The following GRIK3 variants were observed in gnomAD, a reference collection of about 807,000 sequenced individuals.
GRIK3 encodes glutamate receptor ionotropic, kainate 3.
GRIK3 carries 29 observed loss-of-function variants against 102.5 expected under a neutral mutation model. The ratio of observed to expected loss-of-function variants is 0.28; its 90% CI spans 0.21 to 0.39. The LOEUF is 0.39. Ranked by LOEUF, GRIK3 falls within the 10% of genes least tolerant of loss-of-function variation. The pLI is 1.00. For missense variants in GRIK3, 908 were observed against 1,252.4 expected (o/e 0.73, Z 4.15); for synonymous variants, 511 against 504.9 (o/e 1.01, Z -0.16).
chr1:36,913,210 G>A (rs964164040), intron 1 of GRIK3, among the ~76,000 whole-genome samples: 1 of 152,126 alleles, frequency 6.6e-6, no homozygotes, highest in African/African-American at 2.4e-5. Flanking sequence ...CTCCAAACCC[G>A]GGCACCTGCT....
rs1410756923 is a variant in GRIK3, at chr1:36,825,709, T to C, written c.1648A>G (p.Thr550Ala). The change falls in exon 11 of 16, where the codon ACC (threonine) becomes GCC (alanine). Residue 550 changes from threonine to alanine, a missense_variant. This residue lies in a region of GRIK3 where 585 missense variants were observed against 824.9 expected (regional missense o/e 0.71). Transcript: ENST00000373091. ...AGGAAGGAGAAGACGCTGGGGTTGG[T>C]GCCATTGGGCTTTCGATACAGGATG... The part of the protein sequence containing the change: ...VSILYRKPNG[T>A]NPSVFSFLNP... 2 of 1,613,824 alleles carry C rather than the reference T, an allele frequency of 1.2e-6. No individual in the cohort carries two copies. Among genetic ancestry groups the C allele is most frequent in the Non-Finnish European group, 1.7e-6 (2 of 1,179,916 alleles).
In GRIK3 at chr1:36,971,331, G is replaced by GAGC. The variant is rs551797027; in HGVS notation, c.115+62662_115+62663insGCT. 2.4e-4 allele frequency among the ~76,000 whole-genome samples: 36 copies of GAGC among 152,270 alleles called. No homozygotes were observed. The South Asian group carries it at 7.3e-3, about 31-fold the overall frequency. On this transcript the variant is annotated intron_variant, in intron 1 of 15. Transcript: ENST00000373091. Reference sequence around the variant, plus strand: ...GGGAAACATCCTTCCCATACAAATGGAAGGCTGCCTTTGCCGTAGAATTGA... The same window carrying GAGC: ...GGGAAACATCCTTCCCATACAAATGGAGCAAGGCTGCCTTTGCCGTAGAATTGA...
Position 36,889,830 on chromosome 1 carries a change from T to C in GRIK3, c.292+1090A>G, listed in dbSNP as rs556802470. On this transcript the variant is annotated intron_variant, in intron 2 of 15. Transcript: ENST00000373091. ...CATAGACAGAAAACCCAGTCTAGCT[T>C]TTTGTGGGTGGTTGTACCCACGAGG... 1.8e-4 allele frequency among the ~76,000 whole-genome samples: 27 copies of C among 152,284 alleles called. No homozygotes were observed. In the South Asian group the frequency reaches 5.4e-3, roughly 30 times the overall value.
intron 1 of GRIK3, among the ~76,000 whole-genome samples, chr1:37,014,933 GTC>G (rs56296966): frequency 0.27 from 38,136 of 139,036 alleles, 5,089 homozygotes; most frequent in East Asian, 0.53. Context: ...CTCTGTTTTT[GTC>G]TCTCTCTCTC....
At chr1:36,998,127 G>C (rs1160987105) in intron 1 of GRIK3, among the ~76,000 whole-genome samples, 1 of 152,174 alleles carries the variant, frequency 6.6e-6, no homozygotes, top group African/African-American at 2.4e-5. Context: ...CCAAATTTGG[G>C]CCTCTAGTCC....
intron 4 of GRIK3, among the ~76,000 whole-genome samples, chr1:36,871,053 C>T (rs1242477261): frequency 1.3e-5 from 2 of 152,092 alleles, no homozygotes; most frequent in Non-Finnish European, 1.5e-5. Context: ...TGTCAACTGC[C>T]TGCTGGGTGT....
In GRIK3 at chr1:36,971,096, C is replaced by T. The variant is rs144596113; in HGVS notation, c.115+62898G>A. 5.0e-3 allele frequency among the ~76,000 whole-genome samples: 760 copies of T among 152,284 alleles called. 9 individuals carry two copies. Among genetic ancestry groups the T allele is most frequent in the African/African-American group, 0.018 (731 of 41,568 alleles). Reference sequence around the variant, plus strand: ...CTTGCCTCTGGACCTCCAGGACATGCTTAGTCTGGCTCTTCTGTGGCCCTT... The same window carrying T: ...CTTGCCTCTGGACCTCCAGGACATGTTTAGTCTGGCTCTTCTGTGGCCCTT... On this transcript the variant is annotated intron_variant, in intron 1 of 15. Coordinates refer to ENST00000373091, the MANE Select transcript of GRIK3 (RefSeq NM_000831.4).
At chr1:36,840,551 CAAAAAAAAAA>C (rs11442581) in intron 10 of GRIK3, among the ~76,000 whole-genome samples, 1 of 73,322 alleles carries the variant, frequency 1.4e-5, no homozygotes. Context: ...TGCTCTCCAC[CAAAAAAAAAA>C]AAAAAAAAAA....
At chr1:36,904,495 C>T (rs1027978120) in intron 1 of GRIK3, among the ~76,000 whole-genome samples, 2 of 152,052 alleles carry the variant, frequency 1.3e-5, no homozygotes, top group Non-Finnish European at 1.5e-5. Context: ...GATCAAAATA[C>T]CATATGACCC....
At chr1:36,854,145 G>C (rs1570761406) in intron 7 of GRIK3, among the ~76,000 whole-genome samples, 1 of 152,254 alleles carries the variant, frequency 6.6e-6, no homozygotes, top group East Asian at 1.9e-4. Flanking sequence ...ATAGCCCCCC[G>C]AAAGGCAGGG....
At chr1:36,948,345 G>T (rs1641806936) in intron 1 of GRIK3, among the ~76,000 whole-genome samples, 1 of 152,224 alleles carries the variant, frequency 6.6e-6, no homozygotes, top group Admixed American at 6.5e-5. Flanking sequence ...TACGTGCCAG[G>T]CTCCATGCTG....
intron 1 of GRIK3, among the ~76,000 whole-genome samples, chr1:36,936,691 C>T (rs528923758): frequency 1.3e-5 from 2 of 152,248 alleles, no homozygotes; most frequent in Admixed American, 6.5e-5. Context: ...TCTCCTCCCA[C>T]GGGGATGTAA....
chr1:36,847,635 C>T (rs1640533633), intron 9 of GRIK3, among the ~76,000 whole-genome samples: 1 of 152,168 alleles, frequency 6.6e-6, no homozygotes, highest in African/African-American at 2.4e-5. Flanking sequence ...GCACTCTGTG[C>T]CACTTAATTA....
At chr1:37,026,813 T>G (rs1642768866) in intron 1 of GRIK3, among the ~76,000 whole-genome samples, 1 of 152,176 alleles carries the variant, frequency 6.6e-6, no homozygotes, top group Admixed American at 6.5e-5. Flanking sequence ...CATGCCATTC[T>G]TTCTTGGAGT....
chr1:36,845,131 T>C (rs558849100), intron 9 of GRIK3, among the ~76,000 whole-genome samples: 1 of 152,238 alleles, frequency 6.6e-6, no homozygotes, highest in Admixed American at 6.5e-5. Flanking sequence ...CTTAGTAATG[T>C]GTCTCTAGAC....
intron 1 of GRIK3, among the ~76,000 whole-genome samples, chr1:36,987,729 C>A (rs1642321106): frequency 6.6e-6 from 1 of 152,108 alleles, no homozygotes; most frequent in Non-Finnish European, 1.5e-5. Flanking sequence ...TATATGGGTA[C>A]AGCCCAGGCC....
At chr1:36,811,805 G>T (rs1370801564) in intron 13 of GRIK3, among the ~76,000 whole-genome samples, 1 of 152,168 alleles carries the variant, frequency 6.6e-6, no homozygotes, top group Non-Finnish European at 1.5e-5. Flanking sequence ...GCTAACCACT[G>T]TACATACAGG....
Position 36,806,025 on chromosome 1 carries a change from C to CGGAGTGTG in GRIK3, c.2314+71_2314+78dup. On this transcript the variant is annotated intron_variant, in intron 14 of 15. Coordinates refer to ENST00000373091, the MANE Select transcript of GRIK3 (RefSeq NM_000831.4). The surrounding 1 kb of genome is among the most constrained non-coding windows in gnomAD (Gnocchi z 4.0). ...CAGCCCCATGGAATGAGCTGTGAGA[C>CGGAGTGTG]GGAGTGTGAGGGGACGCGGGGGTGG... 1.2e-6 allele frequency: 1 copy of CGGAGTGTG among 827,378 alleles called. No homozygotes were observed. 51.3% of individuals were successfully genotyped at this position (827,378 alleles called of 1,614,324 possible). A position where few individuals can be genotyped will look rare whatever the true frequency, so the allele number is the denominator to read the frequency against.
chr1:36,802,148 G>T (rs1227644502), intron 15 of GRIK3, 103 bp from the exon 16 acceptor site: 7 of 788,030 alleles, frequency 8.9e-6, no homozygotes, highest in Non-Finnish European at 1.4e-5. Flanking sequence ...TCTGTGCTAA[G>T]GTTACCCGTC....
Sources: allele counts gnomAD v4.1 joint callset (sites outside exome capture counted in the v4.1 genomes callset), GRCh38; gene constraint gnomAD v4.1.1; regional missense constraint gnomAD v4.1.1; non-coding constraint Gnocchi (gnomAD v3.1); transcripts MANE v1.5; gene names NCBI Gene and HGNC (gene_info 2026-07-23, HGNC 2026-07-21).